The following NT5DC1 variants were observed in gnomAD, a reference collection of about 807,000 sequenced individuals.
The protein encoded by NT5DC1 is 5'-nucleotidase domain-containing protein 1.
A neutral mutation model predicts 59.4 loss-of-function variants in NT5DC1; 42 were observed. The ratio of observed to expected loss-of-function variants is 0.71; its 90% CI spans 0.55 to 0.92. NT5DC1 has a LOEUF of 0.92. Ranked by LOEUF, NT5DC1 falls within the 40% of genes least tolerant of loss-of-function variation. The pLI is 0.00. For missense variants in NT5DC1, 501 were observed against 537.1 expected, an observed-to-expected ratio of 0.93 and a Z score of 0.66; for synonymous variants, 172 against 188.1, an observed-to-expected ratio of 0.91 and a Z score of 0.70.
intron 6 of NT5DC1, among the ~76,000 whole-genome samples, chr6:116,207,239 T>C (rs1185233910): frequency 1.3e-5 from 2 of 152,004 alleles, no homozygotes; most frequent in Non-Finnish European, 2.9e-5. Flanking sequence ...AAATGGATCA[T>C]ATGTCTTAAG....
At chr6:116,129,755 T>G (rs1330138105) in intron 6 of NT5DC1, among the ~76,000 whole-genome samples, 2 of 152,230 alleles carry the variant, frequency 1.3e-5, no homozygotes, top group Non-Finnish European at 2.9e-5. Flanking sequence ...TCTAGGTGTC[T>G]TGTGTCACTT....
Position 116,203,467 on chromosome 6 carries a change from A to C in NT5DC1, c.530-17587A>C, listed in dbSNP as rs547672996. Among the ~76,000 whole-genome samples the C allele has an allele frequency of 7.0e-4, 107 of 151,992 alleles. 1 individual carries two copies. In the Middle Eastern group the frequency reaches 0.01, roughly 14 times the overall value. On this transcript the variant is annotated intron_variant, in intron 6 of 11. Coordinates refer to ENST00000319550, the MANE Select transcript of NT5DC1 (RefSeq NM_152729.3). ...TTTTATTTTATATATGTAATTATGC[A>C]GTATGTATTTTCCTGCATCTAGTGG...
Position 116,244,462 on chromosome 6 carries a change from C to T in NT5DC1, c.*438C>T, listed in dbSNP as rs1771799543. On this transcript the variant is annotated 3_prime_UTR_variant, in exon 12 of 12. Coordinates refer to ENST00000319550, the MANE Select transcript of NT5DC1 (RefSeq NM_152729.3). Reference sequence around the variant, plus strand: ...AGGCCTACCAATCTGGTTTAACAAGCCCGTCAGGTGATTCTGATTTACAGT... The same window carrying T: ...AGGCCTACCAATCTGGTTTAACAAGTCCGTCAGGTGATTCTGATTTACAGT... 6.5e-6 allele frequency: 1 copy of T among 152,958 alleles called. No individual in the cohort carries two copies. The highest frequency in any genetic ancestry group is 1.9e-4 in the East Asian group (1 of 5,202). 9.5% of individuals were successfully genotyped at this position (152,958 alleles called of 1,614,324 possible). A position where few individuals can be genotyped will look rare whatever the true frequency, so the allele number is the denominator to read the frequency against.
intron 6 of NT5DC1, chr6:116,121,812 G>T: frequency 6.2e-7 from 1 of 1,613,864 alleles, no homozygotes; most frequent in Non-Finnish European, 8.5e-7. Flanking sequence ...ACAGCTGATG[G>T]TCCCGGTGGT....
At chr6:116,154,204 A>C (rs1780123585) in intron 6 of NT5DC1, among the ~76,000 whole-genome samples, 1 of 152,084 alleles carries the variant, frequency 6.6e-6, no homozygotes, top group African/African-American at 2.4e-5. Flanking sequence ...TTGTAGTGTA[A>C]ACACTTAATT....
At chr6:116,163,564 C>T (rs1314055451) in intron 6 of NT5DC1, among the ~76,000 whole-genome samples, 1 of 151,894 alleles carries the variant, frequency 6.6e-6, no homozygotes, top group Non-Finnish European at 1.5e-5. Context: ...TCTTCTTAAA[C>T]AACCAACTTT....
chr6:116,224,361 C>T (rs763670336), intron 8 of NT5DC1, among the ~76,000 whole-genome samples: 9 of 152,162 alleles, frequency 5.9e-5, no homozygotes, highest in Non-Finnish European at 1.2e-4. Flanking sequence ...ACGTGTCAAG[C>T]ACCAAGGCAT....
In NT5DC1 at chr6:116,248,622, A is replaced by G. The variant is rs1435289314; in HGVS notation, c.*4598A>G. The G allele has an allele frequency of 6.6e-6, 1 of 152,088 alleles. No homozygotes were observed. Among genetic ancestry groups the G allele is most frequent in the Non-Finnish European group, 1.5e-5 (1 of 67,972 alleles). The allele number at this position is 152,088 out of a possible 1,614,324, so 9.4% of individuals were successfully genotyped here. ...AATGCCCAGAAATGGAAGCGCAAGG[A>G]AAGTGTTGTGTGAGGACCAGGGTAA... On this transcript the variant is annotated 3_prime_UTR_variant, in exon 12 of 12. Transcript: ENST00000319550.
intron 6 of NT5DC1, among the ~76,000 whole-genome samples, chr6:116,150,419 G>A (rs1031246482): frequency 6.6e-6 from 1 of 151,944 alleles, no homozygotes; most frequent in African/African-American, 2.4e-5. Context: ...CAAGTAGCTG[G>A]GGCTACAGGT....
chr6:116,243,888 A>T, intron 11 of NT5DC1, 21 bp from the exon 12 acceptor site: 1 of 948,576 alleles, frequency 1.1e-6, no homozygotes, highest in South Asian at 1.4e-5. Context: ...TGCAATAATT[A>T]AATTTTTTTT....
chr6:116,183,015 AT>A (rs1388193740), intron 6 of NT5DC1, among the ~76,000 whole-genome samples: 1 of 151,988 alleles, frequency 6.6e-6, no homozygotes, highest in Non-Finnish European at 1.5e-5. Context: ...TGGGTCTTAG[AT>A]TTAAGTTTTT....
intron 6 of NT5DC1, among the ~76,000 whole-genome samples, chr6:116,128,837 A>G (rs913839194): frequency 2.0e-5 from 3 of 152,164 alleles, no homozygotes; most frequent in Non-Finnish European, 2.9e-5. Context: ...GTTAGAATGT[A>G]TAGTCTGATA....
chr6:116,217,943 G>T (rs1398460051), intron 6 of NT5DC1, among the ~76,000 whole-genome samples: 1 of 151,982 alleles, frequency 6.6e-6, no homozygotes, highest in East Asian at 1.9e-4. Context: ...TTAATAATTG[G>T]AGGTTACAAG....
At chr6:116,231,815 A>C (rs1782025483) in intron 8 of NT5DC1, among the ~76,000 whole-genome samples, 1 of 152,260 alleles carries the variant, frequency 6.6e-6, no homozygotes, top group Non-Finnish European at 1.5e-5. Flanking sequence ...AAAAGGAGGT[A>C]GATTACACTG....
chr6:116,191,594 C>T (rs115325926), intron 6 of NT5DC1, among the ~76,000 whole-genome samples: 7 of 152,114 alleles, frequency 4.6e-5, no homozygotes, highest in East Asian at 1.9e-4. Context: ...CCTCAAGGTA[C>T]GTGATACCAC....
chr6:116,172,809 T>C (rs1780641749), intron 6 of NT5DC1, among the ~76,000 whole-genome samples: 1 of 152,210 alleles, frequency 6.6e-6, no homozygotes. Context: ...TGTTTGGAAT[T>C]CTTGAAATTT....
At chr6:116,165,125 G>A (rs1780434106) in intron 6 of NT5DC1, among the ~76,000 whole-genome samples, 1 of 129,334 alleles carries the variant, frequency 7.7e-6, no homozygotes, top group African/African-American at 3.1e-5. Context: ...AAAATTATTG[G>A]CTGGCATTAT....
intron 6 of NT5DC1, among the ~76,000 whole-genome samples, chr6:116,214,219 G>T (rs1781644276): frequency 6.6e-6 from 1 of 151,932 alleles, no homozygotes; most frequent in African/African-American, 2.4e-5. Flanking sequence ...TCAAGGCTCA[G>T]AAATGAAAGT....
chr6:116,152,859 T>C (rs1282948090), intron 6 of NT5DC1, among the ~76,000 whole-genome samples: 1 of 152,140 alleles, frequency 6.6e-6, no homozygotes, highest in African/African-American at 2.4e-5. Flanking sequence ...TATAGTTATA[T>C]TGCCTCTGAG....
Sources: gnomAD v4.1 joint callset for allele counts (sites outside exome capture counted in the v4.1 genomes callset) on GRCh38, gnomAD v4.1.1 for gene constraint, MANE v1.5 for transcripts, NCBI Gene and HGNC (gene_info 2026-07-23, HGNC 2026-07-21) for gene names.